Variants in SLC39A10 observed in about 807,000 individuals in gnomAD.
The protein encoded by SLC39A10 is zinc transporter ZIP10.
Under a neutral mutation model 65.1 loss-of-function variants are expected in SLC39A10, and 13 were observed. The observed-to-expected ratio is 0.20, with a 90% confidence interval of 0.13 to 0.32. The LOEUF (loss-of-function observed/expected upper bound fraction) is 0.32. Ranked by LOEUF, SLC39A10 falls within the 10% of genes least tolerant of loss-of-function variation. The pLI is 1.00. For missense variants in SLC39A10, 831 were observed against 1,018.4 expected, an observed-to-expected ratio of 0.82 and a Z score of 2.50; for synonymous variants, 321 against 342.2, an observed-to-expected ratio of 0.94 and a Z score of 0.68.
intron 2 of SLC39A10, among the ~76,000 whole-genome samples, chr2:195,645,624 C>G (rs1464613326): frequency 1.3e-5 from 2 of 152,124 alleles, no homozygotes; most frequent in African/African-American, 4.8e-5. Flanking sequence ...AACCTCTATT[C>G]TACTTTCTTG....
chr2:195,718,494 A>G (rs1691900066), intron 8 of SLC39A10, among the ~76,000 whole-genome samples, 162 bp downstream of exon 8: 1 of 152,210 alleles, frequency 6.6e-6, no homozygotes, highest in South Asian at 2.1e-4. Context: ...TATGAAAAAA[A>G]AAATGCTCCT....
At chr2:195,699,360 C>T (rs1332498104) in intron 3 of SLC39A10, among the ~76,000 whole-genome samples, 1 of 150,536 alleles carries the variant, frequency 6.6e-6, no homozygotes, top group African/African-American at 2.4e-5. Context: ...TTTTCTAGTC[C>T]CTTAAGTGTA....
At chr2:195,734,159 T>TTA (rs1553508651) in intron 9 of SLC39A10, among the ~76,000 whole-genome samples, 2,693 of 116,606 alleles carry the variant, frequency 0.023, 97 homozygotes, top group African/African-American at 0.081. Flanking sequence ...CCTTTTTTTT[T>TTA]AAAAAAAAAA....
Position 195,628,771 on chromosome 2 carries a change from G to A in SLC39A10, c.-12+22538G>A, listed in dbSNP as rs549791528. ...GACCAGTTCCTCCCATTTTCCAGGC[G>A]GAGATCTTGAATCTTCTTTACATTC... On this transcript the variant is annotated intron_variant, in intron 2 of 2. Coordinates refer to the SLC39A10 transcript ENST00000458054. 2.0e-4 allele frequency among the ~76,000 whole-genome samples: 30 copies of A among 152,258 alleles called. 1 individual carries two copies. In the South Asian group the frequency reaches 5.4e-3, roughly 27 times the overall value.
chr2:195,614,115 A>C (rs1180771259), intron 2 of SLC39A10, among the ~76,000 whole-genome samples: 1 of 152,168 alleles, frequency 6.6e-6, no homozygotes, highest in Non-Finnish European at 1.5e-5. Context: ...ATGAGCAATG[A>C]CATCAATTTT....
intron 2 of SLC39A10, among the ~76,000 whole-genome samples, chr2:195,650,214 G>A (rs1559015286): frequency 1.3e-5 from 2 of 150,466 alleles, no homozygotes; most frequent in Non-Finnish European, 3.0e-5. Context: ...CCCGGGAGGC[G>A]GAGCTTGCAG....
chr2:195,699,980 C>T lies in SLC39A10; in HGVS notation c.1217-6636C>T, dbSNP rs190456807. Among the ~76,000 whole-genome samples, 5 of 152,068 alleles carry T rather than the reference C, an allele frequency of 3.3e-5. No homozygotes were observed. In the East Asian group the frequency reaches 9.7e-4, roughly 29 times the overall value. The stretch of plus-strand genomic sequence containing the variant: ...TATAATTGTTTTATCGCTGTCCTTC[C>T]TTGTTTCTTGTAACCTTTTTTGATT... On this transcript the variant is annotated intron_variant, in intron 3 of 9. Coordinates refer to ENST00000359634, the MANE Select transcript of SLC39A10 (RefSeq NM_020342.3).
chr2:195,707,511 G>T (rs1212801969), intron 4 of SLC39A10, among the ~76,000 whole-genome samples: 1 of 151,750 alleles, frequency 6.6e-6, no homozygotes, highest in Non-Finnish European at 1.5e-5. Flanking sequence ...GATTATATTT[G>T]TGTGTTGTGT....
chr2:195,653,852 C>T (rs184788263), upstream of SLC39A10, among the ~76,000 whole-genome samples: 246 of 152,326 alleles, frequency 1.6e-3, no homozygotes, highest in Admixed American at 3.1e-3. Context: ...GGGTCTTTAT[C>T]ATTGGTTATT....
At chr2:195,693,423 A>G (rs577517542) in intron 3 of SLC39A10, among the ~76,000 whole-genome samples, 2 of 152,300 alleles carry the variant, frequency 1.3e-5, no homozygotes, top group South Asian at 4.1e-4. Context: ...AATGTCTGAT[A>G]GAATTCAGCT....
intron 3 of SLC39A10, among the ~76,000 whole-genome samples, chr2:195,703,540 A>C (rs1216744642): frequency 6.6e-6 from 1 of 152,220 alleles, no homozygotes; most frequent in Non-Finnish European, 1.5e-5. Flanking sequence ...CAAGCATGCT[A>C]TACATATTTC....
chr2:195,715,030 G>A (rs777245023), intron 6 of SLC39A10, among the ~76,000 whole-genome samples: 16 of 152,044 alleles, frequency 1.1e-4, no homozygotes, highest in Non-Finnish European at 2.2e-4. Flanking sequence ...GGGGTTACAG[G>A]CGTGAGCCAC....
At chr2:195,642,846 C>T (rs916619014) in intron 2 of SLC39A10, among the ~76,000 whole-genome samples, 1 of 152,088 alleles carries the variant, frequency 6.6e-6, no homozygotes, top group African/African-American at 2.4e-5. Context: ...AGGAGATTGC[C>T]TGTGTGTATG....
chr2:195,714,009 C>A (rs1229774834), intron 6 of SLC39A10, among the ~76,000 whole-genome samples: 2 of 152,034 alleles, frequency 1.3e-5, no homozygotes, highest in Non-Finnish European at 2.9e-5. Context: ...TTACTGCAAG[C>A]TCCGCCTCCC....
chr2:195,659,310 C>G (rs1184764165), intron 1 of SLC39A10, among the ~76,000 whole-genome samples: 1 of 152,128 alleles, frequency 6.6e-6, no homozygotes, highest in Non-Finnish European at 1.5e-5. Flanking sequence ...TATACTAGTT[C>G]TTACTGTTAC....
chr2:195,629,706 A>C lies in SLC39A10; in HGVS notation c.-12+23473A>C, dbSNP rs192557628. On this transcript the variant is annotated intron_variant, in intron 2 of 2. Transcript: ENST00000458054. Reference sequence around the variant, plus strand: ...CTTACATTATACAAATGATTCAGCAAACTTTCTTTTCTGATGGCTAGTAAG... The same window carrying C: ...CTTACATTATACAAATGATTCAGCACACTTTCTTTTCTGATGGCTAGTAAG... 5.8e-4 allele frequency among the ~76,000 whole-genome samples: 88 copies of C among 152,278 alleles called. 1 individual carries two copies. The highest frequency in any genetic ancestry group is 2.1e-3 in the African/African-American group (86 of 41,560).
intron 8 of SLC39A10, among the ~76,000 whole-genome samples, chr2:195,727,754 G>C (rs553510755): frequency 2.0e-4 from 30 of 152,088 alleles, no homozygotes; most frequent in Non-Finnish European, 3.7e-4. Flanking sequence ...ACAGTTCTTT[G>C]AATTTTAACA....
chr2:195,616,553 C>A (rs1414785777), intron 2 of SLC39A10, among the ~76,000 whole-genome samples: 1 of 151,762 alleles, frequency 6.6e-6, no homozygotes, highest in Non-Finnish European at 1.5e-5. Context: ...GATCCTCCCA[C>A]CTTGGCCCCT....
chr2:195,625,569 G>A (rs1186801196), intron 2 of SLC39A10, among the ~76,000 whole-genome samples: 1 of 152,000 alleles, frequency 6.6e-6, no homozygotes, highest in Non-Finnish European at 1.5e-5. Flanking sequence ...GAGCCACTGC[G>A]CCCAGCCTGA....
Sources: allele counts gnomAD v4.1 joint callset (sites outside exome capture counted in the v4.1 genomes callset), GRCh38; gene constraint gnomAD v4.1.1; transcripts MANE v1.5; gene names NCBI Gene and HGNC (gene_info 2026-07-23, HGNC 2026-07-21).